The following FCAR variants were observed in gnomAD, a reference collection of about 807,000 sequenced individuals.
The protein encoded by FCAR is immunoglobulin alpha Fc receptor.
A neutral mutation model predicts 27.1 loss-of-function variants in FCAR; 21 were observed. The ratio of observed to expected loss-of-function variants is 0.77; its 90% confidence interval spans 0.55 to 1.11. The LOEUF (loss-of-function observed/expected upper bound fraction) is 1.11. Ranked by LOEUF, FCAR falls within the 50% of genes most tolerant of loss-of-function variation. The probability of loss-of-function intolerance (pLI) is 0.00; values close to 1 mark genes in which losing one functional copy is unlikely to be tolerated. For synonymous variants in FCAR, 134 were observed against 135.8 expected (o/e 0.99, Z 0.09); for missense variants, 404 against 358.4 (o/e 1.13, Z -1.03).
At chr19:54,877,677 A>T (rs1258129634) in intron 2 of FCAR, among the ~76,000 whole-genome samples, 1 of 151,704 alleles carries the variant, frequency 6.6e-6, no homozygotes, top group Non-Finnish European at 1.5e-5. Flanking sequence ...TCCTCTTGTT[A>T]TGATGTTAGG....
chr19:54,876,773 T>A (rs1468779339), intron 2 of FCAR, among the ~76,000 whole-genome samples: 1 of 152,026 alleles, frequency 6.6e-6, no homozygotes, highest in Non-Finnish European at 1.5e-5. Flanking sequence ...ACAAAAAAAT[T>A]AGCCAGGCGT....
At chr19:54,876,993 T>G (rs867609343) in intron 2 of FCAR, among the ~76,000 whole-genome samples, 1 of 152,166 alleles carries the variant, frequency 6.6e-6, no homozygotes, top group African/African-American at 2.4e-5. Context: ...TGCTGCTGGA[T>G]AGTTTGCTAG....
At position 54,888,282 on chromosome 19, in the gene FCAR, C is replaced by T. The variant is rs756874719; in HGVS notation, c.637C>T (p.Leu213Phe). 68 of 1,613,846 alleles carry T rather than the reference C, an allele frequency of 4.2e-5. No homozygotes were observed. Among genetic ancestry groups the T allele is most frequent in the Non-Finnish European group, 5.3e-5 (63 of 1,179,944 alleles). ...GTCCTTCCCCAGTAATGCCTTGGAG[C>T]TTGTGGTCACAGGTAGGTACCGCCC... ...LWSFPSNALE[L>F]VVTDSIHQDY... is the part of the protein sequence containing the mutation. The change falls in exon 4 of 5, where the codon CTT becomes TTT. Residue 213 changes from leucine (L) to phenylalanine (F), a missense_variant. Transcript: ENST00000355524.
At chr19:54,881,593 C>T (rs767836306) in intron 2 of FCAR, among the ~76,000 whole-genome samples, 11 of 152,076 alleles carry the variant, frequency 7.2e-5, no homozygotes, top group Admixed American at 6.5e-5. Context: ...GAATGAAGGC[C>T]GGGCGCGGTG....
At chr19:54,884,016 AAGGGG>A in intron 2 of FCAR, among the ~76,000 whole-genome samples, 1 of 152,240 alleles carries the variant, frequency 6.6e-6, no homozygotes, top group East Asian at 1.9e-4. Flanking sequence ...GTTCAGGCAG[AAGGGG>A]GTCTGCAGCG....
Position 54,888,060 on chromosome 19 carries a change from G to A in FCAR, c.415G>A (p.Gly139Arg), listed in dbSNP as rs983604043. 1.4e-5 allele frequency: 22 copies of A among 1,613,778 alleles called. No homozygotes were observed. Among genetic ancestry groups the A allele is most frequent in the Non-Finnish European group, 1.8e-5 (21 of 1,179,784 alleles). ...AGATCGGGGTCTGGTGTTGATGCCAGGAGAGAATATTTCCCTCACGTGCAG... is the reference window on the plus strand; with the variant it reads ...AGATCGGGGTCTGGTGTTGATGCCAAGAGAGAATATTTCCCTCACGTGCAG... ...SADRGLVLMP[G>R]ENISLTCSSA... Residue 139 changes from glycine to arginine, a missense_variant, in exon 4 of 5, where the codon GGA (glycine) becomes AGA (arginine). By Grantham distance (125) the Gly-to-Arg change is moderately radical (BLOSUM62 -2). Coordinates refer to ENST00000355524, the MANE Select transcript of FCAR (RefSeq NM_002000.4).
chr19:54,888,091 C>T lies in FCAR; in HGVS notation c.446C>T (p.Ala149Val), dbSNP rs777468203. ...GENISLTCSS[A>V]HIPFDRFSLA... ...AATATTTCCCTCACGTGCAGCTCAG[C>T]ACACATCCCATTTGATAGATTTTCA... The change falls in exon 4 of 5, where the codon GCA becomes GTA. Residue 149 changes from alanine to valine, a missense_variant. Physicochemically the swap from Ala to Val is moderately conservative, Grantham distance 64 (BLOSUM62 0). Coordinates refer to ENST00000355524, the MANE Select transcript of FCAR (RefSeq NM_002000.4). 6.2e-7 allele frequency: 1 copy of T among 1,614,094 alleles called. No individual in the cohort carries two copies. Among genetic ancestry groups the T allele is most frequent in the Non-Finnish European group, 8.5e-7 (1 of 1,179,934 alleles).
At chr19:54,889,415 A>C in intron 4 of FCAR, among the ~76,000 whole-genome samples, 2 of 146,382 alleles carry the variant, frequency 1.4e-5, no homozygotes, top group African/African-American at 5.1e-5. Context: ...GCCCATAATC[A>C]CCTCCTTCCC....
chr19:54,883,017 C>T (rs73618397), intron 2 of FCAR, among the ~76,000 whole-genome samples: 5,164 of 151,458 alleles, frequency 0.034, 288 homozygotes, highest in African/African-American at 0.12. Context: ...TTTTTTGTTT[C>T]GTTTTTTGAC....
Position 54,888,245 on chromosome 19 carries a change from CCCCTACCTGTGGT to C in FCAR, c.603_615del (p.Tyr202SerfsTer23). 6.2e-7 allele frequency: 1 copy of C among 1,614,148 alleles called. No individual in the cohort carries two copies. The highest frequency in any genetic ancestry group is 8.5e-7 in the Non-Finnish European group (1 of 1,180,004). ...GGTGCTACGGTTGGTACAACAGGAG[CCCCTACCTGTGGT>C]CCTTCCCCAGTAATGCCTTGGAGCT... On this transcript the variant is annotated frameshift_variant, in exon 4 of 5. Coordinates refer to ENST00000355524, the MANE Select transcript of FCAR (RefSeq NM_002000.4). LOFTEE classifies it high-confidence loss of function.
At chr19:54,885,969 G>T (rs1020779501) in intron 3 of FCAR, among the ~76,000 whole-genome samples, 4 of 152,106 alleles carry the variant, frequency 2.6e-5, no homozygotes, top group African/African-American at 9.7e-5. Flanking sequence ...AACAATCGCT[G>T]GGCGCGGTGG....
In FCAR at chr19:54,875,065, T is replaced by A. The variant is rs192307495; in HGVS notation, c.35-265T>A. On this transcript the variant is annotated intron_variant, in intron 1 of 4. Transcript: ENST00000355524. ...GGGCGCCTGTAGTCCCAGCTACTCGTGCGGCTGAGGCAGGAGAATGGCATG... is the reference window on the plus strand; with the variant it reads ...GGGCGCCTGTAGTCCCAGCTACTCGAGCGGCTGAGGCAGGAGAATGGCATG... Among the ~76,000 whole-genome samples the A allele has an allele frequency of 1.3e-3, 193 of 151,394 alleles. 7 individuals are homozygous for A. The East Asian group carries it at 0.034, about 27-fold the overall frequency.
chr19:54,885,000 G>A (rs1463466898), intron 2 of FCAR, among the ~76,000 whole-genome samples: 1 of 152,014 alleles, frequency 6.6e-6, no homozygotes, highest in African/African-American at 2.4e-5. Flanking sequence ...TAGACACGGG[G>A]TTTCACCGTG....
At position 54,885,241 on chromosome 19, in the gene FCAR, T is replaced by C. The variant is rs1569532494; in HGVS notation, c.77T>C (p.Phe26Ser). Reference sequence around the variant, plus strand: ...GGGCTTTCTTTTCTTCCAGGGGACTTTCCCATGCCTTTCATATCTGCCAAA... The same window carrying C: ...GGGCTTTCTTTTCTTCCAGGGGACTCTCCCATGCCTTTCATATCTGCCAAA... ...GQRIQAQEGD[F>S]PMPFISAKSS... Residue 26 changes from phenylalanine to serine, a missense_variant, in exon 3 of 5, where the codon TTT (phenylalanine) becomes TCT (serine). By Grantham distance (155) the Phe-to-Ser change is radical. Transcript: ENST00000355524. The C allele has an allele frequency of 6.2e-7, 1 of 1,612,562 alleles. No individual in the cohort carries two copies. The highest frequency in any genetic ancestry group is 8.5e-7 in the Non-Finnish European group (1 of 1,178,798).
At chr19:54,875,839 A>G (rs1335280780) in intron 2 of FCAR, among the ~76,000 whole-genome samples, 2 of 152,096 alleles carry the variant, frequency 1.3e-5, no homozygotes, top group Non-Finnish European at 2.9e-5. Context: ...TGCCACCCCA[A>G]CTACTACTGC....
chr19:54,881,513 G>A (rs1047853055), intron 2 of FCAR, among the ~76,000 whole-genome samples: 1 of 152,074 alleles, frequency 6.6e-6, no homozygotes. Context: ...GAAGAGCAGG[G>A]GGTTGAGGGC....
In FCAR at chr19:54,890,196, C is replaced by T; in HGVS notation, c.*333C>T. The T allele has an allele frequency of 3.0e-6, 1 of 334,158 alleles. No individual in the cohort carries two copies. The highest frequency in any genetic ancestry group is 5.7e-6 in the Non-Finnish European group (1 of 176,752). The allele number at this position is 334,158 out of a possible 1,614,324, so 20.7% of individuals were successfully genotyped here. On this transcript the variant is annotated 3_prime_UTR_variant, in exon 5 of 5. Transcript: ENST00000355524. Reference sequence around the variant, plus strand: ...CTCGAACTCCTGACCTCAGGTGATCCACCCACCTTGGCCTCCCAAAGTGCT... The same window carrying T: ...CTCGAACTCCTGACCTCAGGTGATCTACCCACCTTGGCCTCCCAAAGTGCT...
intron 2 of FCAR, among the ~76,000 whole-genome samples, chr19:54,878,494 T>C (rs922326554): frequency 3.9e-5 from 6 of 152,172 alleles, no homozygotes; most frequent in African/African-American, 1.4e-4. Flanking sequence ...TCCGGGTGCT[T>C]CCATGTTAGG....
At chr19:54,875,459 T>G in intron 2 of FCAR, 94 bp downstream of exon 2, 1 of 1,048,844 alleles carries the variant, frequency 9.5e-7, no homozygotes, top group Non-Finnish European at 1.5e-6. Flanking sequence ...ACCATTCTTA[T>G]TTTAATCCCC....
Sources: gnomAD v4.1 joint callset for allele counts (sites outside exome capture counted in the v4.1 genomes callset) on GRCh38, gnomAD v4.1.1 for gene constraint, MANE v1.5 for transcripts, NCBI Gene and HGNC (gene_info 2026-07-23, HGNC 2026-07-21) for gene names.